PTPRK: variants seen among roughly 807,000 people sequenced by gnomAD.
PTPRK encodes the protein protein tyrosine phosphatase receptor type K.
A neutral mutation model predicts 178.0 loss-of-function variants in PTPRK; 75 were observed. That is an observed-to-expected ratio of 0.42 (90% confidence interval 0.35 to 0.51). The LOEUF is 0.51. PTPRK is among the 20% of genes least tolerant of loss of function. PTPRK has a pLI of 0.02. For missense variants in PTPRK, 1,441 were observed against 1,797.8 expected, an observed-to-expected ratio of 0.80 and a Z score of 3.59; for synonymous variants, 637 against 620.6, an observed-to-expected ratio of 1.03 and a Z score of -0.39.
At chr6:128,427,937 C>CA (rs1331073302) in intron 1 of PTPRK, among the ~76,000 whole-genome samples, 1 of 151,818 alleles carries the variant, frequency 6.6e-6, no homozygotes, top group Non-Finnish European at 1.5e-5. Flanking sequence ...CTAAAAAACA[C>CA]AAAAAATTAG....
intron 1 of PTPRK, among the ~76,000 whole-genome samples, chr6:128,427,886 A>C (rs1378160882): frequency 6.6e-6 from 1 of 152,102 alleles, no homozygotes; most frequent in Admixed American, 6.5e-5. Flanking sequence ...AGGTCAGGAG[A>C]TCGAGAGCAT....
chr6:128,171,733 G>T (rs889130106), intron 7 of PTPRK, among the ~76,000 whole-genome samples: 3 of 151,874 alleles, frequency 2.0e-5, no homozygotes, highest in African/African-American at 4.8e-5. Flanking sequence ...CTGTAAGTAT[G>T]CCCTATTGTT....
intron 3 of PTPRK, among the ~76,000 whole-genome samples, chr6:128,285,169 T>C (rs1195737271): frequency 6.6e-6 from 1 of 152,202 alleles, no homozygotes; most frequent in East Asian, 1.9e-4. Flanking sequence ...CAAATTCTAA[T>C]GTTCTCAGGC....
At chr6:128,443,960 C>T (rs1846615692) in intron 1 of PTPRK, among the ~76,000 whole-genome samples, 1 of 152,138 alleles carries the variant, frequency 6.6e-6, no homozygotes, top group South Asian at 2.1e-4. Flanking sequence ...TCAAGCAATT[C>T]TCCTGCCTCA....
chr6:128,356,876 C>T lies in PTPRK; in HGVS notation c.224-34566G>A, dbSNP rs1834034150. ...GAAATTGTAAGCCATACCCCTGCGT[C>T]CAATTTTAGTCCTGTGCTTTTTCTA... is the stretch of plus-strand genomic sequence containing the variant. On this transcript the variant is annotated intron_variant, in intron 2 of 29. Coordinates refer to ENST00000368226, the MANE Select transcript of PTPRK (RefSeq NM_002844.4). 2.0e-5 allele frequency among the ~76,000 whole-genome samples: 3 copies of T among 152,202 alleles called. No homozygotes were observed. In the South Asian group the frequency reaches 6.2e-4, roughly 32 times the overall value.
chr6:128,452,183 T>G (rs1847877479), intron 1 of PTPRK, among the ~76,000 whole-genome samples: 1 of 152,180 alleles, frequency 6.6e-6, no homozygotes, highest in African/African-American at 2.4e-5. Context: ...CTTTCATCTC[T>G]GCTTATCTTA....
chr6:128,486,252 G>A (rs1176480991), intron 1 of PTPRK, among the ~76,000 whole-genome samples: 1 of 152,084 alleles, frequency 6.6e-6, no homozygotes, highest in East Asian at 1.9e-4. Flanking sequence ...TATTATTAAT[G>A]TATTACTTAA....
In PTPRK at chr6:128,219,039, A is replaced by G; in HGVS notation, c.751T>C (p.Phe251Leu). The change falls in exon 6 of 30, where the codon TTT (phenylalanine) becomes CTT (leucine). Residue 251 changes from phenylalanine (F) to leucine (L), a missense_variant. Transcript: ENST00000368226. ...AQTKNINHRRFAASFRLQEVT... is the reference protein window; with the variant it reads ...AQTKNINHRRLAASFRLQEVT... ...TCTTGCAATCTGAAGGAAGCGGCAA[A>G]CCTTCTATGATTGATGTTCTTAGTC... is the stretch of plus-strand genomic sequence containing the variant. The G allele has an allele frequency of 6.2e-7, 1 of 1,613,968 alleles. No homozygotes were observed. Among genetic ancestry groups the G allele is most frequent in the Non-Finnish European group, 8.5e-7 (1 of 1,179,878 alleles).
chr6:128,062,606 T>C (rs1384505943), intron 13 of PTPRK: 1 of 167,030 alleles, frequency 6.0e-6, no homozygotes, highest in Non-Finnish European at 1.5e-5. Context: ...AGTACAAAAT[T>C]ATTAGCATAA....
chr6:128,258,888 G>A (rs897864875), intron 3 of PTPRK, among the ~76,000 whole-genome samples: 9 of 152,316 alleles, frequency 5.9e-5, no homozygotes, highest in Non-Finnish European at 1.2e-4. Flanking sequence ...GAGGCAGAGA[G>A]CAGAAGACAA....
intron 1 of PTPRK, chr6:128,491,992 G>A (rs909657193): frequency 5.3e-6 from 2 of 377,772 alleles, no homozygotes; most frequent in African/African-American, 4.2e-5. Flanking sequence ...AATTGTGGAA[G>A]TCTGATCCTA....
At position 127,985,731 on chromosome 6, in the gene PTPRK, C is replaced by G. The variant is rs1428114359; in HGVS notation, c.3241G>C (p.Val1081Leu). 6.2e-7 allele frequency: 1 copy of G among 1,612,320 alleles called. No homozygotes were observed. ...TGGACCACCACTTACCTGCAATGTACAACGATGGGGCCAGCACTGGGAGGG... is the reference window on the plus strand; with the variant it reads ...TGGACCACCACTTACCTGCAATGTAGAACGATGGGGCCAGCACTGGGAGGG... ...SNPPSAGPIV[V>L]HCSAGAGRTG... is the part of the protein sequence containing the mutation. Residue 1081 changes from valine (V) to leucine (L), a missense_variant, in exon 22 of 30, where the codon GTA becomes CTA. By Grantham distance (32) the Val-to-Leu change is conservative (BLOSUM62 1). Transcript: ENST00000368226.
At chr6:128,474,873 G>A (rs1360522419) in intron 1 of PTPRK, among the ~76,000 whole-genome samples, 1 of 152,074 alleles carries the variant, frequency 6.6e-6, no homozygotes, top group Non-Finnish European at 1.5e-5. Context: ...AGAACCATTA[G>A]TACTTGTACC....
At chr6:128,205,777 CAAAAAAAAAAAAAA>C (rs57003128) in intron 6 of PTPRK, among the ~76,000 whole-genome samples, 92 of 15,230 alleles carry the variant, frequency 6.0e-3, no homozygotes, top group African/African-American at 0.02. Flanking sequence ...CATCACAGAC[CAAAAAAAAAAAAAA>C]AAAAAAAAAA....
intron 1 of PTPRK, among the ~76,000 whole-genome samples, chr6:128,443,108 AGATT>A (rs1353011380): frequency 3.3e-5 from 5 of 152,196 alleles, no homozygotes; most frequent in Non-Finnish European, 4.4e-5. Flanking sequence ...AAAAACAATA[AGATT>A]AATTATTTAA....
chr6:128,090,814 G>C (rs1005679775), intron 7 of PTPRK, among the ~76,000 whole-genome samples: 1 of 151,940 alleles, frequency 6.6e-6, no homozygotes, highest in African/African-American at 2.4e-5. Flanking sequence ...TCATGGCCAT[G>C]GCAACATCTA....
chr6:128,130,073 A>G lies in PTPRK; in HGVS notation c.1163-40081T>C, dbSNP rs561896631. 9.9e-5 allele frequency among the ~76,000 whole-genome samples: 15 copies of G among 152,226 alleles called. No individual in the cohort carries two copies. The South Asian group carries it at 3.1e-3, about 32-fold the overall frequency. On this transcript the variant is annotated intron_variant, in intron 7 of 29. Transcript: ENST00000368226. ...TACAGTTAGAGTTATGATATGGTATATTTTCTCTAAGTCATAGAATGTTTT... is the reference window on the plus strand; with the variant it reads ...TACAGTTAGAGTTATGATATGGTATGTTTTCTCTAAGTCATAGAATGTTTT...
intron 2 of PTPRK, among the ~76,000 whole-genome samples, chr6:128,330,121 A>C (rs1830080043): frequency 6.6e-6 from 1 of 152,206 alleles, no homozygotes; most frequent in Admixed American, 6.5e-5. Context: ...AAAAAAACTA[A>C]AGACACTATA....
chr6:128,492,105 GT>G (rs1317911011), intron 1 of PTPRK, among the ~76,000 whole-genome samples: 1 of 152,082 alleles, frequency 6.6e-6, no homozygotes, highest in Non-Finnish European at 1.5e-5. Flanking sequence ...TCATGATCTA[GT>G]CCCAACAAAT....
Sources: allele counts gnomAD v4.1 joint callset (sites outside exome capture counted in the v4.1 genomes callset), GRCh38; gene constraint gnomAD v4.1.1; transcripts MANE v1.5; gene names NCBI Gene and HGNC (gene_info 2026-07-23, HGNC 2026-07-21).